Variants in STK3 observed in about 807,000 individuals in gnomAD.
STK3 encodes serine/threonine kinase 3.
Under a neutral mutation model 58.0 loss-of-function variants are expected in STK3, and 41 were observed. The ratio of observed to expected loss-of-function variants is 0.71; its 90% CI spans 0.55 to 0.92. STK3 has a LOEUF of 0.92. STK3 is among the 40% of genes least tolerant of loss of function. The pLI is 0.00. For synonymous variants in STK3, 170 were observed against 191.0 expected (o/e 0.89, Z 0.91); for missense variants, 479 against 602.7 (o/e 0.79, Z 2.15).
chr8:98,347,250 C>G, the STK3 span, among the ~76,000 whole-genome samples: 1 of 151,918 alleles, frequency 6.6e-6, no homozygotes, highest in African/African-American at 2.4e-5. Flanking sequence ...CACGGTGGCT[C>G]ACGCTTGTAA....
chr8:98,575,372 A>G (rs1268394635), intron 8 of STK3, among the ~76,000 whole-genome samples: 1 of 150,516 alleles, frequency 6.6e-6, no homozygotes, highest in Non-Finnish European at 1.5e-5. Flanking sequence ...GGTGAACTTC[A>G]TATACAAAAA....
chr8:98,654,908 C>T (rs1420204944), intron 6 of STK3, among the ~76,000 whole-genome samples: 2 of 152,060 alleles, frequency 1.3e-5, no homozygotes, highest in African/African-American at 2.4e-5. Flanking sequence ...GGCCATACTG[C>T]CCAAGGTAGT....
the STK3 span, among the ~76,000 whole-genome samples, chr8:98,352,369 C>G: frequency 6.6e-6 from 1 of 152,088 alleles, no homozygotes; most frequent in Non-Finnish European, 1.5e-5. Context: ...CCTGCTTTCC[C>G]CATATGAACT....
At chr8:98,387,507 G>A (rs776446416) in intron 1 of STK3, among the ~76,000 whole-genome samples, 3 of 152,192 alleles carry the variant, frequency 2.0e-5, no homozygotes, top group African/African-American at 4.8e-5. Context: ...CCAGCACTTC[G>A]GGAGACCAAG....
chr8:98,715,521 C>A (rs1330888978), intron 4 of STK3, among the ~76,000 whole-genome samples: 13 of 151,880 alleles, frequency 8.6e-5, no homozygotes, highest in African/African-American at 1.5e-4. Flanking sequence ...GCCAAAAGAC[C>A]CATGAAAACA....
intron 3 of STK3, among the ~76,000 whole-genome samples, chr8:98,850,947 T>C (rs1203068872): frequency 6.6e-6 from 1 of 152,152 alleles, no homozygotes; most frequent in African/African-American, 2.4e-5. Flanking sequence ...AACTCAATTA[T>C]GAAAGTGTGG....
At chr8:98,609,013 ATCGG>A (rs1816974835) in intron 6 of STK3, among the ~76,000 whole-genome samples, 1 of 152,216 alleles carries the variant, frequency 6.6e-6, no homozygotes, top group Non-Finnish European at 1.5e-5. Flanking sequence ...ACATTGGCAG[ATCGG>A]TCTTCGAATA....
chr8:98,697,172 T>C (rs1350849709), intron 6 of STK3, among the ~76,000 whole-genome samples: 1 of 152,252 alleles, frequency 6.6e-6, no homozygotes, highest in Non-Finnish European at 1.5e-5. Context: ...TCTCTGATGG[T>C]AGTTTGTATT....
At chr8:98,834,972 A>T (rs1400406354) in intron 3 of STK3, among the ~76,000 whole-genome samples, 5 of 152,234 alleles carry the variant, frequency 3.3e-5, no homozygotes, top group African/African-American at 9.6e-5. Flanking sequence ...ATTTACATTG[A>T]AATAACATAA....
chr8:98,649,870 T>A (rs1296167473), intron 6 of STK3, among the ~76,000 whole-genome samples: 1 of 152,204 alleles, frequency 6.6e-6, no homozygotes, highest in African/African-American at 2.4e-5. Flanking sequence ...GCCAGCATGC[T>A]CTTTCCTTCA....
downstream of STK3, among the ~76,000 whole-genome samples, chr8:98,370,509 G>A (rs1817600556): frequency 6.6e-6 from 1 of 152,054 alleles, no homozygotes; most frequent in South Asian, 2.1e-4. Context: ...TGCTAGAGAG[G>A]ACTGGGTGGT....
intron 4 of STK3, 143 bp downstream of exon 4, chr8:98,749,133 C>A (rs758576007): frequency 4.7e-5 from 24 of 514,408 alleles, no homozygotes; most frequent in Non-Finnish European, 7.6e-5. Context: ...GGTTCTCACA[C>A]CTCCTACTAG....
At chr8:98,675,851 G>C (rs958754668) in intron 6 of STK3, among the ~76,000 whole-genome samples, 1 of 151,242 alleles carries the variant, frequency 6.6e-6, no homozygotes, top group Non-Finnish European at 1.5e-5. Flanking sequence ...GTGACAGAGC[G>C]AGACTCTGTC....
At chr8:98,805,331 G>T (rs191539037) in intron 1 of STK3, among the ~76,000 whole-genome samples, 1 of 152,166 alleles carries the variant, frequency 6.6e-6, no homozygotes, top group Non-Finnish European at 1.5e-5. Context: ...TGTAATCCCA[G>T]CACTTTGGGA....
intron 6 of STK3, among the ~76,000 whole-genome samples, chr8:98,612,574 C>G (rs1431643760): frequency 2.0e-5 from 3 of 151,742 alleles, no homozygotes; most frequent in Non-Finnish European, 4.4e-5. Context: ...CCTGGATCTT[C>G]TTTGTCCCTT....
rs542807875 is a variant in STK3, at chr8:98,580,480, A to C, written c.823-691T>G. On this transcript the variant is annotated intron_variant, in intron 7 of 10. Coordinates refer to ENST00000419617, the MANE Select transcript of STK3 (RefSeq NM_006281.4). ...TTATTGAGAAGGAGGGACATGAGAGAAAGTAGAGTGAAAGGTTATAATTTT... is the reference window on the plus strand; with the variant it reads ...TTATTGAGAAGGAGGGACATGAGAGCAAGTAGAGTGAAAGGTTATAATTTT... 4.6e-5 allele frequency among the ~76,000 whole-genome samples: 7 copies of C among 152,330 alleles called. No individual in the cohort carries two copies. In the East Asian group the frequency reaches 5.8e-4, roughly 13 times the overall value.
intron 6 of STK3, among the ~76,000 whole-genome samples, chr8:98,596,590 A>C (rs1293497658): frequency 6.6e-6 from 1 of 152,176 alleles, no homozygotes; most frequent in Admixed American, 6.5e-5. Flanking sequence ...TTTGCAATCC[A>C]GAATATTTAA....
At chr8:98,899,678 T>C (rs1838584455) in intron 1 of STK3, among the ~76,000 whole-genome samples, 1 of 152,170 alleles carries the variant, frequency 6.6e-6, no homozygotes, top group South Asian at 2.1e-4. Context: ...GGGGGATAAC[T>C]GTACTTTATT....
chr8:98,599,362 G>A (rs1026647847), intron 6 of STK3, among the ~76,000 whole-genome samples: 1 of 152,034 alleles, frequency 6.6e-6, no homozygotes, highest in Non-Finnish European at 1.5e-5. Context: ...AGTACAATGT[G>A]ATGAGGCCAA....
Sources: allele counts gnomAD v4.1 joint callset (sites outside exome capture counted in the v4.1 genomes callset), GRCh38; gene constraint gnomAD v4.1.1; transcripts MANE v1.5; gene names NCBI Gene and HGNC (gene_info 2026-07-23, HGNC 2026-07-21).